The following SOX5 variants were observed in gnomAD, a reference collection of about 807,000 sequenced individuals.
SOX5 encodes the protein transcription factor SOX-5.
SOX5 carries 9 observed loss-of-function variants against 92.0 expected under a neutral mutation model. The ratio of observed to expected loss-of-function variants is 0.10; its 90% confidence interval spans 0.06 to 0.17. SOX5 has a LOEUF of 0.17. Among genes scored for constraint, SOX5 ranks in the 10% least tolerant of loss-of-function variants. The pLI is 1.00. For synonymous variants in SOX5, 344 were observed against 336.3 expected (o/e 1.02, Z -0.25); for missense variants, 642 against 944.5 (o/e 0.68, Z 4.20).
At chr12:23,623,276 T>C (rs1178941986) in intron 8 of SOX5, among the ~76,000 whole-genome samples, 1 of 152,190 alleles carries the variant, frequency 6.6e-6, no homozygotes, top group Non-Finnish European at 1.5e-5. Context: ...TTAAGTATTA[T>C]TATAAGACAA....
At chr12:23,979,658 C>T (rs112894786) in intron 4 of SOX5, among the ~76,000 whole-genome samples, 4 of 125,708 alleles carry the variant, frequency 3.2e-5, no homozygotes, top group South Asian at 2.5e-4. Flanking sequence ...CCTCACAAAT[C>T]GTTTCTCATT....
chr12:23,667,071 G>C (rs1281075564), intron 6 of SOX5, among the ~76,000 whole-genome samples: 1 of 152,084 alleles, frequency 6.6e-6, no homozygotes, highest in Admixed American at 6.6e-5. Context: ...AGGACTGAGA[G>C]AGGGAGAAGG....
rs74069855 is a variant in SOX5 at position 23,963,162 on chromosome 12, G to A, written c.-1-67138C>T. Among the ~76,000 whole-genome samples, 1,132 of 152,244 alleles carry A rather than the reference G, an allele frequency of 7.4e-3. 17 individuals carry two copies. Among genetic ancestry groups the A allele is most frequent in the African/African-American group, 0.025 (1,034 of 41,532 alleles). On this transcript the variant is annotated intron_variant, in intron 4 of 4. Coordinates refer to the SOX5 transcript ENST00000446891. ...TTCATAAAAGAATACTTTAATGGAT[G>A]TATCTAAGTACCAAAAACCCAAATA...
chr12:23,695,680 G>A (rs541653541), intron 6 of SOX5, among the ~76,000 whole-genome samples: 5 of 152,004 alleles, frequency 3.3e-5, no homozygotes, highest in African/African-American at 7.2e-5. Flanking sequence ...AGTGGCTCAC[G>A]CCTGTAATCC....
rs745640453 is a variant in SOX5 at position 23,600,552 on chromosome 12, T to TATATATATATAC, written c.1164+3834_1164+3835insGTATATATATAT. On this transcript the variant is annotated intron_variant, in intron 9 of 14. Coordinates refer to ENST00000451604, the MANE Select transcript of SOX5 (RefSeq NM_006940.6). ...ATATATATATATATATATATATATA[T>TATATATATATAC]ACACATACTTGGCTTGGGACTAAAA... is the stretch of plus-strand genomic sequence containing the variant. Among the ~76,000 whole-genome samples, 945 of 95,064 alleles carry TATATATATATAC rather than the reference T, an allele frequency of 9.9e-3. 10 individuals are homozygous for TATATATATATAC. The highest frequency in any genetic ancestry group is 0.012 in the Non-Finnish European group (507 of 42,074). 62.4% of individuals were successfully genotyped at this position (95,064 alleles called of 152,430 possible).
chr12:24,278,042 G>A (rs757589113), intron 2 of SOX5, among the ~76,000 whole-genome samples: 3 of 152,126 alleles, frequency 2.0e-5, no homozygotes, highest in East Asian at 1.9e-4. Flanking sequence ...AGATTCCCAA[G>A]AATCAGACTT....
At position 24,547,800 on chromosome 12, in the gene SOX5, T is replaced by C. The variant is rs112588025; in HGVS notation, c.-251+14529A>G. On this transcript the variant is annotated intron_variant, in intron 1 of 4. Coordinates refer to the SOX5 transcript ENST00000446891. ...TTATCCCAATAACAAATAACCAGTT[T>C]CTGTTACTAGCTCCCCTATCAACTT... Among the ~76,000 whole-genome samples, 56 of 152,354 alleles carry C rather than the reference T, an allele frequency of 3.7e-4. 1 individual carries two copies. Among genetic ancestry groups the C allele is most frequent in the African/African-American group, 1.1e-3 (47 of 41,584 alleles).
At chr12:24,153,077 C>T (rs1433923380) in intron 4 of SOX5, among the ~76,000 whole-genome samples, 1 of 152,064 alleles carries the variant, frequency 6.6e-6, no homozygotes, top group Non-Finnish European at 1.5e-5. Context: ...ACTGGGGAAA[C>T]CATGATGCTT....
chr12:24,307,518 GCC>G (rs1948736175), intron 2 of SOX5, among the ~76,000 whole-genome samples: 2 of 25,960 alleles, frequency 7.7e-5, no homozygotes, highest in Non-Finnish European at 1.3e-4. Flanking sequence ...AGGAAGGAAG[GCC>G]GGCCCCCCCA....
chr12:24,406,446 G>A (rs766763482), intron 1 of SOX5, among the ~76,000 whole-genome samples: 5 of 152,270 alleles, frequency 3.3e-5, no homozygotes, highest in Non-Finnish European at 7.4e-5. Flanking sequence ...TCGTTCAAGT[G>A]AGAAAAATCC....
chr12:23,806,806 AG>A (rs565843667), intron 3 of SOX5, among the ~76,000 whole-genome samples: 172 of 152,194 alleles, frequency 1.1e-3, no homozygotes, highest in Non-Finnish European at 1.8e-3. Flanking sequence ...AAACTTTTCC[AG>A]TCACAAGGTA....
chr12:24,445,765 T>C (rs1941374256), intron 1 of SOX5, among the ~76,000 whole-genome samples: 1 of 152,190 alleles, frequency 6.6e-6, no homozygotes, highest in African/African-American at 2.4e-5. Context: ...GATTCCACAG[T>C]GTCTGACCTG....
At chr12:23,751,090 T>TAAAAAAAAAA (rs1302714566) in intron 4 of SOX5, among the ~76,000 whole-genome samples, 1 of 151,876 alleles carries the variant, frequency 6.6e-6, no homozygotes, top group African/African-American at 2.4e-5. Context: ...AGAGGAACTA[T>TAAAAAAAAAA]AAAACAAGCT....
intron 2 of SOX5, 116 bp from the exon 3 acceptor site, chr12:23,846,309 T>A: frequency 1.2e-6 from 1 of 835,272 alleles, no homozygotes; most frequent in Non-Finnish European, 1.9e-6. Context: ...TAAAATTCAG[T>A]AACTTTAAAA....
chr12:24,529,044 G>A (rs1950950138), intron 1 of SOX5, among the ~76,000 whole-genome samples: 1 of 152,114 alleles, frequency 6.6e-6, no homozygotes, highest in Admixed American at 6.6e-5. Context: ...TGATAAGCTA[G>A]GAAAGAAAGA....
At chr12:23,901,264 T>C (rs1232606665) in intron 1 of SOX5, among the ~76,000 whole-genome samples, 1 of 152,060 alleles carries the variant, frequency 6.6e-6, no homozygotes, top group African/African-American at 2.4e-5. Context: ...CTCTACAAGC[T>C]AGAAAATGCA....
intron 4 of SOX5, among the ~76,000 whole-genome samples, chr12:24,092,518 T>C (rs1944778246): frequency 6.6e-6 from 1 of 152,170 alleles, no homozygotes; most frequent in Admixed American, 6.5e-5. Flanking sequence ...TCAATATAGA[T>C]GCTCACACCC....
At chr12:24,348,104 A>G (rs1953566247) in intron 2 of SOX5, among the ~76,000 whole-genome samples, 1 of 151,498 alleles carries the variant, frequency 6.6e-6, no homozygotes, top group Non-Finnish European at 1.5e-5. Context: ...CCACTTCTGA[A>G]TATTTTTAAA....
intron 3 of SOX5, among the ~76,000 whole-genome samples, chr12:23,838,234 A>G (rs990299023): frequency 6.8e-6 from 1 of 147,812 alleles, no homozygotes; most frequent in Non-Finnish European, 1.5e-5. Context: ...ATTTAGAAAA[A>G]CAAAGTTCTG....
Sources: allele counts gnomAD v4.1 joint callset (sites outside exome capture counted in the v4.1 genomes callset), GRCh38; gene constraint gnomAD v4.1.1; transcripts MANE v1.5; gene names NCBI Gene and HGNC (gene_info 2026-07-23, HGNC 2026-07-21).